The following CUX2 variants were observed in gnomAD, a reference collection of about 807,000 sequenced individuals.
CUX2 encodes the protein cut like homeobox 2.
CUX2 carries 40 observed loss-of-function variants against 144.8 expected under a neutral mutation model. The observed-to-expected ratio is 0.28, with a 90% confidence interval of 0.21 to 0.36. The LOEUF (loss-of-function observed/expected upper bound fraction) is 0.36, where lower values mean the gene tolerates loss of function less well. Ranked by LOEUF, CUX2 falls within the 10% of genes least tolerant of loss-of-function variation. The pLI, the probability that CUX2 is intolerant of heterozygous loss-of-function variation, is 1.00. For synonymous variants in CUX2, 827 were observed against 875.6 expected (o/e 0.94, Z 0.98); for missense variants, 1,615 against 1,994.0 (o/e 0.81, Z 3.62).
intron 1 of CUX2, among the ~76,000 whole-genome samples, chr12:111,158,517 A>C (rs1197923479): frequency 6.6e-6 from 1 of 151,550 alleles, no homozygotes; most frequent in Non-Finnish European, 1.5e-5. Context: ...ACTTGGAGAA[A>C]GTATGCCATT....
rs1884214652 is a variant in CUX2 at position 111,263,176 on chromosome 12, G to A, written c.223-585G>A. ...CCTCCCCTATCCCATGTTTGCACAA[G>A]TAGAAAATGACTAAGGCCAGGTGCG... On this transcript the variant is annotated intron_variant, in intron 3 of 21. Coordinates refer to ENST00000261726, the MANE Select transcript of CUX2 (RefSeq NM_015267.4). This position sits in a 1 kb window ranked among gnomAD's most constrained non-coding sequence, Gnocchi z 4.0. Among the ~76,000 whole-genome samples, 1 of 152,286 alleles carries A rather than the reference G, an allele frequency of 6.6e-6. No homozygotes were observed. The highest frequency in any genetic ancestry group is 6.5e-5 in the Admixed American group (1 of 15,300).
intron 1 of CUX2, among the ~76,000 whole-genome samples, chr12:111,209,788 G>A (rs777466650): frequency 6.6e-5 from 10 of 152,298 alleles, no homozygotes; most frequent in South Asian, 2.1e-4. Context: ...ACCCGGTCCC[G>A]GGTGCAGCTC....
intron 1 of CUX2, among the ~76,000 whole-genome samples, chr12:111,060,561 G>A (rs1870722346): frequency 6.6e-6 from 1 of 152,244 alleles, no homozygotes; most frequent in Non-Finnish European, 1.5e-5. Flanking sequence ...CAAGCACAGA[G>A]TTTGGCACAT....
At chr12:111,110,454 A>G (rs1474718933) in intron 1 of CUX2, among the ~76,000 whole-genome samples, 1 of 152,080 alleles carries the variant, frequency 6.6e-6, no homozygotes, top group Non-Finnish European at 1.5e-5. Context: ...GAGTGACTCA[A>G]ACATTAATAC....
chr12:111,208,863 G>A (rs182845262), intron 1 of CUX2, among the ~76,000 whole-genome samples: 1 of 152,276 alleles, frequency 6.6e-6, no homozygotes, highest in African/African-American at 2.4e-5. Flanking sequence ...AACACAGGCA[G>A]CAATGATTTG....
chr12:111,087,465 A>C (rs538753377), intron 1 of CUX2, among the ~76,000 whole-genome samples: 1 of 151,956 alleles, frequency 6.6e-6, no homozygotes, highest in Non-Finnish European at 1.5e-5. Flanking sequence ...TGGTGGCTTC[A>C]TCTTGATGCA....
chr12:111,112,714 C>T (rs1389085159), intron 1 of CUX2, among the ~76,000 whole-genome samples: 2 of 152,142 alleles, frequency 1.3e-5, no homozygotes, highest in Non-Finnish European at 2.9e-5. Flanking sequence ...TCCAGCTCAT[C>T]GAGTTCTTTT....
intron 1 of CUX2, among the ~76,000 whole-genome samples, chr12:111,208,234 G>A (rs1345579718): frequency 1.3e-5 from 2 of 152,066 alleles, no homozygotes; most frequent in African/African-American, 4.8e-5. Flanking sequence ...CTTCTCGGAG[G>A]TGGCCTTAGG....
intron 1 of CUX2, among the ~76,000 whole-genome samples, chr12:111,203,026 G>A (rs989995576): frequency 1.3e-5 from 2 of 152,212 alleles, no homozygotes; most frequent in Admixed American, 6.5e-5. Flanking sequence ...GAGGTCAGGA[G>A]TTAGAGACCA....
At chr12:111,299,400 C>T (rs1273246332) in intron 9 of CUX2, among the ~76,000 whole-genome samples, 2 of 152,194 alleles carry the variant, frequency 1.3e-5, no homozygotes, top group African/African-American at 4.8e-5. Flanking sequence ...CGAGGTGTGG[C>T]TCTTTGGGCG....
At position 111,293,327 on chromosome 12, in the gene CUX2, C is replaced by G; in HGVS notation, c.437-119C>G. ...CAGGGCCCCACAGCTGCGCTCTCTC[C>G]AAGGCCCAAGTTTGGGAAATTGATC... On this transcript the variant is annotated intron_variant, in intron 5 of 21. Coordinates refer to ENST00000261726, the MANE Select transcript of CUX2 (RefSeq NM_015267.4). This position sits in a 1 kb window ranked among gnomAD's most constrained non-coding sequence, Gnocchi z 4.5. The G allele has an allele frequency of 1.4e-6, 2 of 1,438,674 alleles. No homozygotes were observed. Among genetic ancestry groups the G allele is most frequent in the Non-Finnish European group, 1.8e-6 (2 of 1,085,092 alleles). 89.1% of individuals were successfully genotyped at this position (1,438,674 alleles called of 1,614,324 possible).
intron 4 of CUX2, among the ~76,000 whole-genome samples, chr12:111,278,307 C>T (rs1884974539): frequency 6.6e-6 from 1 of 152,200 alleles, no homozygotes; most frequent in Admixed American, 6.5e-5. Context: ...CCCCCAGCTA[C>T]TCCAGAGGCT....
At chr12:111,165,066 A>C (rs1878050895) in intron 1 of CUX2, among the ~76,000 whole-genome samples, 1 of 152,124 alleles carries the variant, frequency 6.6e-6, no homozygotes, top group Non-Finnish European at 1.5e-5. Context: ...CCACCACTCC[A>C]CTGTTCAATT....
rs146864574 is a variant in CUX2 at position 111,126,391 on chromosome 12, C to T, written c.64-87809C>T. Among the ~76,000 whole-genome samples the T allele has an allele frequency of 4.7e-3, 720 of 152,236 alleles. 10 individuals carry two copies. Among genetic ancestry groups the T allele is most frequent in the African/African-American group, 0.016 (678 of 41,542 alleles). The stretch of plus-strand genomic sequence containing the variant: ...CCTCCCAAAGTGCTGGGATTACAGG[C>T]AGAAGTCCCAAGATCTGAGTCAGCA... On this transcript the variant is annotated intron_variant, in intron 1 of 21. Transcript: ENST00000261726.
At chr12:111,191,306 A>AT (rs1879861805) in intron 1 of CUX2, among the ~76,000 whole-genome samples, 4 of 146,752 alleles carry the variant, frequency 2.7e-5, no homozygotes, top group African/African-American at 5.0e-5. Flanking sequence ...TTATTCTTTT[A>AT]TTATTTATTT....
At chr12:111,344,754 G>GC (rs1456855738) in intron 21 of CUX2, among the ~76,000 whole-genome samples, 1 of 152,176 alleles carries the variant, frequency 6.6e-6, no homozygotes, top group Non-Finnish European at 1.5e-5. Flanking sequence ...CAGGACCTGA[G>GC]CAGGGAGGCA....
chr12:111,280,095 C>T (rs4766458), intron 4 of CUX2, among the ~76,000 whole-genome samples: 35,944 of 152,080 alleles, frequency 0.24, 5,223 homozygotes, highest in East Asian at 0.67. Flanking sequence ...ACCAGCCTGA[C>T]GAACATGGCG....
chr12:111,069,531 T>TGTGTGTGTGTGTGTGTGTGTGCGCGC lies in CUX2; in HGVS notation c.63+35293_63+35318dup, dbSNP rs1871166089. On this transcript the variant is annotated intron_variant, in intron 1 of 21. Coordinates refer to ENST00000261726, the MANE Select transcript of CUX2 (RefSeq NM_015267.4). The stretch of plus-strand genomic sequence containing the variant: ...AACAAAGCCTTGCTCTGTGTGTGTG[T>TGTGTGTGTGTGTGTGTGTGTGCGCGC]GTGTGTGTGTGTGTGTGTGTGCGCG... Among the ~76,000 whole-genome samples the TGTGTGTGTGTGTGTGTGTGTGCGCGC allele has an allele frequency of 3.5e-5, 5 of 144,072 alleles. No homozygotes were observed. The South Asian group carries it at 1.1e-3, about 32-fold the overall frequency. The allele number at this position is 144,072 out of a possible 152,430, so 94.5% of individuals were successfully genotyped here. A position where few individuals can be genotyped will look rare whatever the true frequency, so the allele number is the denominator to read the frequency against.
chr12:111,316,599 G>A (rs1039972276), intron 16 of CUX2, among the ~76,000 whole-genome samples: 2 of 151,422 alleles, frequency 1.3e-5, no homozygotes, highest in African/African-American at 4.9e-5. Context: ...ACAGGTGCGT[G>A]CCACCACGCC....
Sources: gnomAD v4.1 joint callset for allele counts (sites outside exome capture counted in the v4.1 genomes callset) on GRCh38, gnomAD v4.1.1 for gene constraint, Gnocchi (gnomAD v3.1) non-coding constraint, MANE v1.5 for transcripts, NCBI Gene and HGNC (gene_info 2026-07-23, HGNC 2026-07-21) for gene names.